The following ABR variants were observed in gnomAD, a reference collection of about 807,000 sequenced individuals.
ABR encodes the protein active breakpoint cluster region-related protein.
ABR carries 35 observed loss-of-function variants against 107.2 expected under a neutral mutation model. That is an observed-to-expected ratio of 0.33 (90% CI 0.25 to 0.43). ABR has a LOEUF of 0.43. Among genes scored for constraint, ABR ranks in the 20% least tolerant of loss-of-function variants. The pLI is 1.00. For missense variants in ABR, 815 were observed against 1,115.2 expected (o/e 0.73, Z 3.83); for synonymous variants, 498 against 462.0 (o/e 1.08, Z -1.00).
intron 1 of ABR, among the ~76,000 whole-genome samples, chr17:1,160,490 C>T (rs187718343): frequency 5.5e-4 from 84 of 152,352 alleles, no homozygotes; most frequent in Non-Finnish European, 9.8e-4. Flanking sequence ...CTCTCTGACT[C>T]TAAGGAGAAC....
intron 3 of ABR, among the ~76,000 whole-genome samples, chr17:1,096,371 G>C (rs2037424975): frequency 6.6e-6 from 1 of 152,204 alleles, no homozygotes; most frequent in Non-Finnish European, 1.5e-5. Context: ...AGCGAGCATG[G>C]AGGGAACGAA....
chr17:1,087,071 C>G (rs1337980124), intron 4 of ABR, among the ~76,000 whole-genome samples: 1 of 152,128 alleles, frequency 6.6e-6, no homozygotes, highest in East Asian at 1.9e-4. Context: ...GGAGACTCCA[C>G]CTTCATGTGT....
In ABR at chr17:1,210,065, A is replaced by G. The variant is rs1024568326; in HGVS notation, c.838+18728T>C. 2.0e-4 allele frequency among the ~76,000 whole-genome samples: 30 copies of G among 152,256 alleles called. No individual in the cohort carries two copies. The highest frequency in any genetic ancestry group is 6.0e-4 in the African/African-American group (25 of 41,464). On this transcript the variant is annotated intron_variant, in intron 1 of 22. Transcript: ENST00000574139. The surrounding 1 kb of genome is among the most constrained non-coding windows in gnomAD (Gnocchi z 5.6). ...AACACATATCTTTCATGGCAAAGAC[A>G]CCTAAATTAGTAAAGCACTAAATTA... is the stretch of plus-strand genomic sequence containing the variant.
upstream of ABR, among the ~76,000 whole-genome samples, chr17:1,182,111 T>TA (rs2042153679): frequency 6.6e-6 from 1 of 152,054 alleles, no homozygotes; most frequent in Admixed American, 6.6e-5. Flanking sequence ...CACAACACGA[T>TA]AGAGGGTAGA....
At chr17:1,214,339 GTATA>G (rs35881832) in intron 1 of ABR, among the ~76,000 whole-genome samples, 1 of 151,066 alleles carries the variant, frequency 6.6e-6, no homozygotes, top group Non-Finnish European at 1.5e-5. Context: ...GGATGTGTGT[GTATA>G]TATATATATT....
rs1275141102 is a variant in ABR, at chr17:1,070,253, T to C, written c.895-163A>G. Among the ~76,000 whole-genome samples the C allele has an allele frequency of 1.3e-5, 2 of 152,042 alleles. No individual in the cohort carries two copies. The highest frequency in any genetic ancestry group is 2.9e-5 in the Non-Finnish European group (2 of 68,018). ...TTCAAGCACTGCCTTTGGAGTCACATGGGCATGGGTTTGAATGCCAACAGG... is the reference window on the plus strand; with the variant it reads ...TTCAAGCACTGCCTTTGGAGTCACACGGGCATGGGTTTGAATGCCAACAGG... On this transcript the variant is annotated intron_variant, in intron 8 of 22. Transcript: ENST00000302538. This position sits in a 1 kb window ranked among gnomAD's most constrained non-coding sequence, Gnocchi z 4.2.
upstream of ABR, among the ~76,000 whole-genome samples, chr17:1,180,843 C>CCA (rs2042111401): frequency 6.6e-6 from 1 of 152,176 alleles, no homozygotes; most frequent in South Asian, 2.1e-4. Flanking sequence ...TCTGTGGGAG[C>CCA]CATGGCAGCT....
At chr17:1,131,984 CCT>C (rs1218074922) in intron 1 of ABR, among the ~76,000 whole-genome samples, 8 of 114,200 alleles carry the variant, frequency 7.0e-5, no homozygotes, top group Non-Finnish European at 1.1e-4. Context: ...ACAGCTCCCC[CCT>C]CTTTGCACAC....
rs896447308 is a variant in ABR, at chr17:1,047,753, C to A, written c.1791+2297G>T. ...ACATAACCTGGCTTCCTCCCTCCCC[C>A]ACTGCCTCCATCTGCTCCTGTCTCC... On this transcript the variant is annotated intron_variant, in intron 16 of 22. Transcript: ENST00000302538. Among the ~76,000 whole-genome samples, 5 of 152,100 alleles carry A rather than the reference C, an allele frequency of 3.3e-5. No individual in the cohort carries two copies. The East Asian group carries it at 7.7e-4, about 23-fold the overall frequency.
chr17:1,042,401 C>T (rs537275559), intron 16 of ABR, among the ~76,000 whole-genome samples: 124 of 150,530 alleles, frequency 8.2e-4, no homozygotes, highest in African/African-American at 2.8e-3. Context: ...CATCCACGGA[C>T]GGATGGATAA....
intron 10 of ABR, among the ~76,000 whole-genome samples, chr17:1,061,863 T>C (rs979311202): frequency 1.3e-4 from 20 of 152,192 alleles, no homozygotes; most frequent in Non-Finnish European, 2.6e-4. Context: ...ACCTGTTTTC[T>C]ACGTGTCGAA....
chr17:1,179,837 G>T lies in ABR; in HGVS notation c.-110C>A. ...CGAAGTTGCGAGCGCGGAGGGGCGA[G>T]GAGGCCGGGAACCAGGTCCCCGGGA... On this transcript the variant is annotated 5_prime_UTR_variant, in exon 1 of 23. Coordinates refer to ENST00000302538, the MANE Select transcript of ABR (RefSeq NM_021962.5). The surrounding 1 kb of genome is among the most constrained non-coding windows in gnomAD (Gnocchi z 4.9). 1 of 1,176,202 alleles carries T rather than the reference G, an allele frequency of 8.5e-7. No individual in the cohort carries two copies. The highest frequency in any genetic ancestry group is 1.1e-6 in the Non-Finnish European group (1 of 894,064). The allele number at this position is 1,176,202 out of a possible 1,614,324, so 72.9% of individuals were successfully genotyped here.
intron 3 of ABR, among the ~76,000 whole-genome samples, chr17:1,095,181 T>C (rs1265000669): frequency 6.6e-6 from 1 of 152,116 alleles, no homozygotes; most frequent in African/African-American, 2.4e-5. Context: ...GAGACGGGAT[T>C]TCTCAGAAGC....
chr17:1,225,169 G>T (rs2043191829), intron 1 of ABR, among the ~76,000 whole-genome samples: 1 of 140,646 alleles, frequency 7.1e-6, no homozygotes, highest in African/African-American at 2.9e-5. Flanking sequence ...AAAAAGAAAA[G>T]AAAAGAAAGA....
rs1053409821 is a variant in ABR at position 1,072,383 on chromosome 17, G to A, written c.894+231C>T. On this transcript the variant is annotated intron_variant, in intron 8 of 22. Transcript: ENST00000302538. ...CCGCCCGTGTGTGAGAGAAGGGGAC[G>A]AGGGACCTGCCGCCCGTGTGTGAGA... Among the ~76,000 whole-genome samples, 13 of 150,730 alleles carry A rather than the reference G, an allele frequency of 8.6e-5. No individual in the cohort carries two copies. The Admixed American group carries it at 8.6e-4, about 10-fold the overall frequency.
intron 2 of ABR, among the ~76,000 whole-genome samples, chr17:1,107,682 G>A (rs1170456393): frequency 6.6e-6 from 1 of 152,214 alleles, no homozygotes; most frequent in Non-Finnish European, 1.5e-5. Flanking sequence ...TCCTAGTGGG[G>A]AGGCTGGTCA....
intron 16 of ABR, among the ~76,000 whole-genome samples, chr17:1,036,700 GGGGAGTGGGGAC>G (rs1218965055): frequency 2.0e-5 from 3 of 152,148 alleles, no homozygotes; most frequent in African/African-American, 7.2e-5. Flanking sequence ...GACAGCTGTG[GGGGAGTGGGGAC>G]GGGAGTGTCC....
At chr17:1,107,902 C>A (rs1020070953) in intron 2 of ABR, among the ~76,000 whole-genome samples, 6 of 152,258 alleles carry the variant, frequency 3.9e-5, no homozygotes, top group Admixed American at 3.3e-4. Context: ...ATTTTTACCT[C>A]CATTGGCTCC....
At chr17:1,062,615 A>G (rs2440749) in intron 10 of ABR, among the ~76,000 whole-genome samples, 3 of 137,198 alleles carry the variant, frequency 2.2e-5, no homozygotes, top group African/African-American at 8.0e-5. Context: ...TCCTCTAGAC[A>G]CTGTTGTTAT....
Sources: gnomAD v4.1 joint callset for allele counts (sites outside exome capture counted in the v4.1 genomes callset) on GRCh38, gnomAD v4.1.1 for gene constraint, Gnocchi (gnomAD v3.1) non-coding constraint, MANE v1.5 for transcripts, NCBI Gene and HGNC (gene_info 2026-07-23, HGNC 2026-07-21) for gene names.